The following FKBP5 variants were observed in gnomAD, a reference collection of about 807,000 sequenced individuals.
The protein encoded by FKBP5 is peptidyl-prolyl cis-trans isomerase FKBP5.
In FKBP5, 23 loss-of-function variants were observed where a neutral mutation model predicts 50.5. That is an observed-to-expected ratio of 0.46 (90% CI 0.33 to 0.65). The LOEUF is 0.65. Ranked by LOEUF, FKBP5 falls within the 30% of genes least tolerant of loss-of-function variation. The probability of loss-of-function intolerance (pLI) is 0.02; values close to 1 mark genes in which losing one functional copy is unlikely to be tolerated. For missense variants in FKBP5, 411 were observed against 553.1 expected (o/e 0.74, Z 2.58); for synonymous variants, 176 against 190.6 (o/e 0.92, Z 0.63).
At chr6:35,604,018 T>C (rs765958552) in intron 5 of FKBP5, among the ~76,000 whole-genome samples, 8 of 151,286 alleles carry the variant, frequency 5.3e-5, no homozygotes, top group Non-Finnish European at 1.2e-4. Context: ...TTTATTGTTT[T>C]TGTTTTGAGT....
In FKBP5 at chr6:35,637,304, C is replaced by T; in HGVS notation, c.106-146G>A. On this transcript the variant is annotated intron_variant, in intron 2 of 10. Coordinates refer to ENST00000357266, the MANE Select transcript of FKBP5 (RefSeq NM_004117.4). ...TTCTTTCTAATGCCTCCCTTCATTC[C>T]TCACAATAACTCATTGTTAGAAAAC... 4.4e-6 allele frequency: 3 copies of T among 680,874 alleles called. No individual in the cohort carries two copies. In the African/African-American group the frequency reaches 5.6e-5, roughly 13 times the overall value. The allele number at this position is 680,874 out of a possible 1,614,324, so 42.2% of individuals were successfully genotyped here. A position where few individuals can be genotyped will look rare whatever the true frequency, so the allele number is the denominator to read the frequency against.
At chr6:35,700,829 C>T (rs1199560032) in intron 2 of FKBP5, among the ~76,000 whole-genome samples, 1 of 152,008 alleles carries the variant, frequency 6.6e-6, no homozygotes, top group Non-Finnish European at 1.5e-5. Context: ...CATGGTGGTG[C>T]ACACCTGTAA....
chr6:35,708,171 C>G lies in FKBP5; in HGVS notation c.-20+12157G>C, dbSNP rs950078166. On this transcript the variant is annotated intron_variant, in intron 2 of 11. Transcript: ENST00000536438. ...CAAGGAAGTAGGTAGGTATAAAGAT[C>G]TAGTTCCTTACAGCATCATTTGTAC... Among the ~76,000 whole-genome samples, 9 of 152,308 alleles carry G rather than the reference C, an allele frequency of 5.9e-5. No individual in the cohort carries two copies. In the East Asian group the frequency reaches 1.7e-3, roughly 29 times the overall value.
chr6:35,717,636 A>G (rs1043747441), intron 2 of FKBP5, among the ~76,000 whole-genome samples: 1 of 152,226 alleles, frequency 6.6e-6, no homozygotes, highest in Non-Finnish European at 1.5e-5. Flanking sequence ...TGTTGTGGGC[A>G]GGCAGGTAGG....
intron 3 of FKBP5, among the ~76,000 whole-genome samples, chr6:35,634,496 A>C (rs1481315577): frequency 6.6e-6 from 1 of 152,222 alleles, no homozygotes; most frequent in Non-Finnish European, 1.5e-5. Flanking sequence ...TGGAGCTTGG[A>C]AAGAGCACAG....
intron 8 of FKBP5, chr6:35,582,028 C>G: frequency 1.0e-6 from 1 of 985,598 alleles, no homozygotes; most frequent in Non-Finnish European, 1.2e-6. Context: ...CGAGCTCTGC[C>G]TGTAGAAAGG....
At chr6:35,640,035 T>C (rs1037842477) in intron 2 of FKBP5, among the ~76,000 whole-genome samples, 3 of 152,226 alleles carry the variant, frequency 2.0e-5, no homozygotes, top group African/African-American at 7.2e-5. Flanking sequence ...ATGCTCTGAT[T>C]GTCTCACCAC....
intron 2 of FKBP5, among the ~76,000 whole-genome samples, chr6:35,719,882 C>T (rs561942352): frequency 1.3e-5 from 2 of 152,334 alleles, no homozygotes; most frequent in East Asian, 3.9e-4. Flanking sequence ...CGTACCCGGC[C>T]TCCTCCAGTG....
chr6:35,583,176 T>A (rs1762493233), intron 8 of FKBP5: 3 of 985,366 alleles, frequency 3.0e-6, no homozygotes, highest in Middle Eastern at 5.2e-4. Flanking sequence ...TTCACTGAGA[T>A]GAGATAGGAA....
intron 3 of FKBP5, among the ~76,000 whole-genome samples, chr6:35,632,095 AATCCTTG>A: frequency 6.6e-6 from 1 of 152,230 alleles, no homozygotes; most frequent in African/African-American, 2.4e-5. Context: ...TATGTATGAA[AATCCTTG>A]TTCTTAATTC....
At chr6:35,645,635 G>C (rs948587094) in intron 1 of FKBP5, among the ~76,000 whole-genome samples, 2 of 152,204 alleles carry the variant, frequency 1.3e-5, no homozygotes, top group Non-Finnish European at 2.9e-5. Flanking sequence ...TTTGGAATGT[G>C]ATATAGTATT....
intron 8 of FKBP5, chr6:35,583,717 CAAG>C: frequency 1.0e-6 from 1 of 952,656 alleles, no homozygotes; most frequent in Non-Finnish European, 1.2e-6. Context: ...CCCACACAAT[CAAG>C]AATTATCCCA....
chr6:35,590,592 T>C (rs776666543), intron 7 of FKBP5, among the ~76,000 whole-genome samples: 25 of 148,904 alleles, frequency 1.7e-4, no homozygotes, highest in Non-Finnish European at 3.3e-4. Context: ...TGGAGAAGTA[T>C]AAAAAAAAAA....
At chr6:35,619,574 C>G (rs192769972) in intron 4 of FKBP5, among the ~76,000 whole-genome samples, 1 of 152,262 alleles carries the variant, frequency 6.6e-6, no homozygotes, top group East Asian at 1.9e-4. Flanking sequence ...TATGGAGTTC[C>G]CTTCTCAAAA....
intron 3 of FKBP5, among the ~76,000 whole-genome samples, chr6:35,627,758 C>A (rs1764042742): frequency 6.6e-6 from 1 of 151,690 alleles, no homozygotes; most frequent in Admixed American, 6.6e-5. Flanking sequence ...TATTCTTTAT[C>A]TTTTCTTTTT....
intron 8 of FKBP5, chr6:35,585,612 G>A (rs1445170947): frequency 1.0e-6 from 1 of 979,404 alleles, no homozygotes; most frequent in Non-Finnish European, 1.2e-6. Flanking sequence ...ATCCATAAGA[G>A]TTTAGTATAC....
chr6:35,721,277 G>T (rs1226757598), intron 1 of FKBP5, among the ~76,000 whole-genome samples: 1 of 151,806 alleles, frequency 6.6e-6, no homozygotes, highest in Non-Finnish European at 1.5e-5. Context: ...GCTTGAACTC[G>T]AGAGGTGGAG....
rs200099723 is a variant in FKBP5 at position 35,619,102 on chromosome 6, C to T, written c.502G>A (p.Val168Ile). 5.6e-6 allele frequency: 9 copies of T among 1,609,324 alleles called. No homozygotes were observed. The highest frequency in any genetic ancestry group is 7.7e-6 in the Non-Finnish European group (9 of 1,175,808). The change falls in exon 5 of 11, where the codon GTA (valine) becomes ATA (isoleucine). Residue 168 changes from valine (V) to isoleucine (I), a missense_variant. By Grantham distance (29) the Val-to-Ile change is conservative. Transcript: ENST00000357266. ...CTCTTACTTTAATACTTACTTTCTACTGTTGCTCCTTCGTTTGGATTTGAA... is the reference window on the plus strand; with the variant it reads ...CTCTTACTTTAATACTTACTTTCTATTGTTGCTCCTTCGTTTGGATTTGAA... ...GYSNPNEGAT[V>I]EIHLEGRCGG...
chr6:35,635,267 G>A (rs1463360110), intron 3 of FKBP5, among the ~76,000 whole-genome samples: 1 of 152,178 alleles, frequency 6.6e-6, no homozygotes, highest in African/African-American at 2.4e-5. Context: ...AACCTCGGAA[G>A]TGGAGGCTGC....
Sources: allele counts gnomAD v4.1 joint callset (sites outside exome capture counted in the v4.1 genomes callset), GRCh38; gene constraint gnomAD v4.1.1; transcripts MANE v1.5; gene names NCBI Gene and HGNC (gene_info 2026-07-23, HGNC 2026-07-21).